The following CACNA1A variants were observed in gnomAD, a reference collection of about 807,000 sequenced individuals.
CACNA1A encodes calcium voltage-gated channel subunit alpha1 A.
In CACNA1A, 57 loss-of-function variants were observed where a neutral mutation model predicts 262.4. The ratio of observed to expected loss-of-function variants is 0.22; its 90% CI spans 0.18 to 0.27. CACNA1A has a LOEUF of 0.27. Ranked by LOEUF, CACNA1A falls within the 10% of genes least tolerant of loss-of-function variation. The pLI, the probability that CACNA1A is intolerant of heterozygous loss-of-function variation, is 1.00. For synonymous variants in CACNA1A, 1,431 were observed against 1,419.3 expected (o/e 1.01, Z -0.18); for missense variants, 2,526 against 3,562.8 (o/e 0.71, Z 7.41).
chr19:13,275,981 C>T, intron 23 of CACNA1A, 25 bp from the exon 24 acceptor site: 1 of 1,511,984 alleles, frequency 6.6e-7, no homozygotes, highest in South Asian at 1.1e-5. Flanking sequence ...AGAGGGTGCT[C>T]AGAACCCCCA....
chr19:13,404,206 A>T (rs1217675180), intron 3 of CACNA1A, among the ~76,000 whole-genome samples: 1 of 152,112 alleles, frequency 6.6e-6, no homozygotes, highest in East Asian at 1.9e-4. Context: ...ACACACACAC[A>T]GTAATAAGGT....
chr19:13,502,221 G>A (rs1454585851), intron 1 of CACNA1A, among the ~76,000 whole-genome samples: 2 of 151,386 alleles, frequency 1.3e-5, no homozygotes, highest in East Asian at 3.9e-4. Flanking sequence ...AGATGTCAAA[G>A]TGATGTCACC....
intron 3 of CACNA1A, among the ~76,000 whole-genome samples, chr19:13,373,183 G>A (rs150616460): frequency 0.011 from 1,621 of 152,162 alleles, 25 homozygotes; most frequent in African/African-American, 0.037. Context: ...TTAGACATGG[G>A]GTCTTGCTCT....
At position 13,433,078 on chromosome 19, in the gene CACNA1A, A is replaced by G. The variant is rs1005836545; in HGVS notation, c.539+19798T>C. ...GGAGGCTGAGGTGGGCGGATCACGA[A>G]GTCAGGAGATGGAGACCATCCTGGC... On this transcript the variant is annotated intron_variant, in intron 3 of 46. Coordinates refer to ENST00000360228, the MANE Select transcript of CACNA1A (RefSeq NM_001127222.2). Among the ~76,000 whole-genome samples, 24 of 151,842 alleles carry G rather than the reference A, an allele frequency of 1.6e-4. 1 individual carries two copies. The highest frequency in any genetic ancestry group is 3.3e-4 in the Admixed American group (5 of 15,238).
At chr19:13,346,672 T>A (rs2058793196) in intron 6 of CACNA1A, among the ~76,000 whole-genome samples, 10 of 27,710 alleles carry the variant, frequency 3.6e-4, no homozygotes, top group Non-Finnish European at 5.8e-4. Flanking sequence ...ATATATTTTT[T>A]TTTTTTTTTT....
intron 29 of CACNA1A, among the ~76,000 whole-genome samples, chr19:13,253,445 C>CCT (rs759887885): frequency 1.1e-5 from 1 of 94,230 alleles, no homozygotes; most frequent in Non-Finnish European, 1.9e-5. Context: ...CTGAATTATA[C>CCT]TTTTTTTTTT....
At chr19:13,307,073 C>T (rs1453094690) in intron 15 of CACNA1A, among the ~76,000 whole-genome samples, 1 of 151,948 alleles carries the variant, frequency 6.6e-6, no homozygotes, top group Non-Finnish European at 1.5e-5. Flanking sequence ...AGCAATCCTT[C>T]CACTTCAGCT....
At chr19:13,389,810 ATTT>A (rs1266485972) in intron 3 of CACNA1A, among the ~76,000 whole-genome samples, 12 of 151,270 alleles carry the variant, frequency 7.9e-5, no homozygotes, top group African/African-American at 2.7e-4. Flanking sequence ...CTTTATTATT[ATTT>A]ATTTATTTAT....
chr19:13,427,714 A>C (rs1050788783), intron 3 of CACNA1A, among the ~76,000 whole-genome samples: 2 of 152,110 alleles, frequency 1.3e-5, no homozygotes, highest in Admixed American at 6.6e-5. Flanking sequence ...ATGGCACATA[A>C]CAACTGCTCA....
rs74181814 is a variant in CACNA1A, at chr19:13,228,605, G to GAT, written c.5529-1080_5529-1079dup. 191 of 90,672 alleles carry GAT rather than the reference G, an allele frequency of 2.1e-3. 2 individuals carry two copies. Among genetic ancestry groups the GAT allele is most frequent in the South Asian group, 0.014 (37 of 2,622 alleles). The allele number at this position is 90,672 out of a possible 1,614,324, so 5.6% of individuals were successfully genotyped here. A position where few individuals can be genotyped will look rare whatever the true frequency, so the allele number is the denominator to read the frequency against. The stretch of plus-strand genomic sequence containing the variant: ...CTCTGTTTTTTTAGAGAGAGAGAGA[G>GAT]ATATATATATATATATATATGAAAT... On this transcript the variant is annotated intron_variant, in intron 36 of 46. Coordinates refer to ENST00000360228, the MANE Select transcript of CACNA1A (RefSeq NM_001127222.2).
chr19:13,337,000 C>T (rs2058589122), intron 6 of CACNA1A, among the ~76,000 whole-genome samples: 1 of 152,180 alleles, frequency 6.6e-6, no homozygotes, highest in Non-Finnish European at 1.5e-5. Context: ...TTTAAAAGCC[C>T]ACCTTTAAAA....
chr19:13,462,179 TTCACCCTCA>T (rs2061135533), intron 1 of CACNA1A, among the ~76,000 whole-genome samples: 1 of 152,202 alleles, frequency 6.6e-6, no homozygotes, highest in Non-Finnish European at 1.5e-5. Flanking sequence ...TGTGGTGCCC[TTCACCCTCA>T]TCTCATTTCA....
intron 1 of CACNA1A, among the ~76,000 whole-genome samples, chr19:13,461,742 G>A (rs772114482): frequency 2.0e-5 from 3 of 152,190 alleles, no homozygotes; most frequent in Non-Finnish European, 4.4e-5. Flanking sequence ...GAGCCTTTCT[G>A]CTCCCTGATT....
At chr19:13,267,847 C>T (rs2056901898) in intron 24 of CACNA1A, among the ~76,000 whole-genome samples, 1 of 151,882 alleles carries the variant, frequency 6.6e-6, no homozygotes, top group African/African-American at 2.4e-5. Context: ...GTAGCGGGAT[C>T]TTGGCTCACT....
At chr19:13,365,907 G>T in intron 4 of CACNA1A, 1 of 153,554 alleles carries the variant, frequency 6.5e-6, no homozygotes, top group South Asian at 2.0e-4. Context: ...TGGTCTCCAA[G>T]GACTCAAACT....
intron 6 of CACNA1A, among the ~76,000 whole-genome samples, chr19:13,347,965 G>C (rs2058823591): frequency 6.6e-6 from 1 of 151,974 alleles, no homozygotes; most frequent in Non-Finnish European, 1.5e-5. Flanking sequence ...CTGTCACCCA[G>C]GCTGGAGTGC....
chr19:13,480,661 C>G (rs138058729), intron 1 of CACNA1A, among the ~76,000 whole-genome samples: 5 of 152,234 alleles, frequency 3.3e-5, no homozygotes, highest in African/African-American at 1.2e-4. Context: ...GAGACCTTGT[C>G]TCTAATTTTA....
intron 24 of CACNA1A, among the ~76,000 whole-genome samples, chr19:13,265,499 C>CT (rs957682240): frequency 1.3e-5 from 2 of 151,744 alleles, no homozygotes; most frequent in African/African-American, 4.8e-5. Flanking sequence ...AACTCTGAAC[C>CT]TTTTTTTTTC....
At chr19:13,326,490 T>C (rs2058366308) in intron 10 of CACNA1A, among the ~76,000 whole-genome samples, 1 of 151,944 alleles carries the variant, frequency 6.6e-6, no homozygotes, top group Admixed American at 6.6e-5. Context: ...ACCAATTATA[T>C]AAGACTGCAT....
Sources: allele counts gnomAD v4.1 joint callset (sites outside exome capture counted in the v4.1 genomes callset), GRCh38; gene constraint gnomAD v4.1.1; transcripts MANE v1.5; gene names NCBI Gene and HGNC (gene_info 2026-07-23, HGNC 2026-07-21).